Variants in RNF170 observed in about 807,000 individuals in gnomAD.
RNF170 encodes ring finger protein 170.
A neutral mutation model predicts 32.7 loss-of-function variants in RNF170; 12 were observed. The observed-to-expected ratio is 0.37, with a 90% CI of 0.24 to 0.60. The LOEUF (loss-of-function observed/expected upper bound fraction) is 0.60. Ranked by LOEUF, RNF170 falls within the 20% of genes least tolerant of loss-of-function variation. RNF170 has a pLI of 0.72. For synonymous variants in RNF170, 91 were observed against 103.6 expected (o/e 0.88, Z 0.74); for missense variants, 212 against 311.2 (o/e 0.68, Z 2.40).
chr8:42,885,011 A>T (rs1394477070), intron 2 of RNF170, among the ~76,000 whole-genome samples: 1 of 150,608 alleles, frequency 6.6e-6, no homozygotes, highest in Non-Finnish European at 1.5e-5. Flanking sequence ...CTCTCTTTTT[A>T]AAAATGCATC....
At position 42,856,341 on chromosome 8, in the gene RNF170, G is replaced by A. The variant is rs397514478; in HGVS notation, c.595C>T (p.Arg199Cys). 1.3e-6 allele frequency: 2 copies of A among 1,592,058 alleles called. No individual in the cohort carries two copies. Among genetic ancestry groups the A allele is most frequent in the African/African-American group, 1.4e-5 (1 of 73,340 alleles). Residue 199 changes from arginine (R) to cysteine (C), a missense_variant, in exon 7 of 7, where the codon CGC (arginine) becomes TGC (cysteine). Around this residue, in one of 2 missense-constraint regions of RNF170, gnomAD observed 97 missense variants for 178.9 expected, o/e 0.54. Transcript: ENST00000527424. Reference sequence around the variant, plus strand: ...ATTAAACAAAGTATTATCCTGATGCGAAACATCCAGAAAAGGCCCCCGACT... The same window carrying A: ...ATTAAACAAAGTATTATCCTGATGCAAAACATCCAGAAAAGGCCCCCGACT... ...FSVGGLFWMF[R>C]IRIILCLMGA...
At position 42,877,470 on chromosome 8, in the gene RNF170, G is replaced by A. The variant is rs184931311; in HGVS notation, c.138-3464C>T. 2.4e-3 allele frequency among the ~76,000 whole-genome samples: 363 copies of A among 152,208 alleles called. 4 individuals are homozygous for A. The highest frequency in any genetic ancestry group is 3.0e-3 in the Non-Finnish European group (207 of 68,022). Reference sequence around the variant, plus strand: ...GCTAGGATTACAGGTGTGAGCCACCGCACCCAGCCTATGGTTATTTGTTAT... The same window carrying A: ...GCTAGGATTACAGGTGTGAGCCACCACACCCAGCCTATGGTTATTTGTTAT... On this transcript the variant is annotated intron_variant, in intron 2 of 6. Transcript: ENST00000527424.
chr8:42,855,106 C>A lies in RNF170; in HGVS notation c.*1053G>T. 1 of 1,287,224 alleles carries A rather than the reference C, an allele frequency of 7.8e-7. No individual in the cohort carries two copies. The highest frequency in any genetic ancestry group is 1.2e-5 in the South Asian group (1 of 80,942). 79.7% of individuals were successfully genotyped at this position (1,287,224 alleles called of 1,614,324 possible). A position where few individuals can be genotyped will look rare whatever the true frequency, so the allele number is the denominator to read the frequency against. ...GCTACTCTGTGTTTGCAGCATCGCC[C>A]AGGTTCCTAAAACAATCTTCCCTTT... On this transcript the variant is annotated 3_prime_UTR_variant, in exon 7 of 7. Coordinates refer to ENST00000527424, the MANE Select transcript of RNF170 (RefSeq NM_030954.4).
chr8:42,871,760 T>C (rs1485882455), intron 3 of RNF170, among the ~76,000 whole-genome samples: 1 of 152,222 alleles, frequency 6.6e-6, no homozygotes, highest in Admixed American at 6.5e-5. Flanking sequence ...GGTTTCGCCA[T>C]GTTGCCCAGG....
chr8:42,875,039 C>G (rs552516904), intron 2 of RNF170, among the ~76,000 whole-genome samples: 5 of 152,056 alleles, frequency 3.3e-5, no homozygotes, highest in Non-Finnish European at 7.4e-5. Context: ...GGCTTAGTGG[C>G]GAATGCCTGT....
intron 6 of RNF170, 109 bp from the exon 7 acceptor site, chr8:42,856,537 T>A: frequency 6.5e-6 from 5 of 774,500 alleles, no homozygotes; most frequent in Non-Finnish European, 1.1e-5. Context: ...ATTAAGGAGT[T>A]ACACATTAAT....
At chr8:42,893,133 T>C (rs1198790722) in intron 1 of RNF170, among the ~76,000 whole-genome samples, 2 of 152,202 alleles carry the variant, frequency 1.3e-5, no homozygotes, top group Non-Finnish European at 2.9e-5. Context: ...TCAGGAATCA[T>C]ATCTTATTAC....
At chr8:42,852,564 C>T (rs559113538), downstream of RNF170, among the ~76,000 whole-genome samples, 5 of 152,102 alleles carry the variant, frequency 3.3e-5, no homozygotes, top group East Asian at 1.9e-4. Context: ...ACTACAGGTG[C>T]GTGCCACCAC....
chr8:42,885,960 C>T (rs1186925831), intron 2 of RNF170, among the ~76,000 whole-genome samples: 6 of 152,092 alleles, frequency 3.9e-5, no homozygotes, highest in Middle Eastern at 3.2e-3. Flanking sequence ...CGGTGGCTCA[C>T]GCCTGTAACC....
intron 4 of RNF170, among the ~76,000 whole-genome samples, chr8:42,867,221 C>T (rs1804149369): frequency 6.6e-6 from 1 of 152,146 alleles, no homozygotes; most frequent in African/African-American, 2.4e-5. Flanking sequence ...CCTGTAATCC[C>T]AGCACTTTGG....
At chr8:42,851,786 C>G (rs1802949791), downstream of RNF170, among the ~76,000 whole-genome samples, 1 of 152,032 alleles carries the variant, frequency 6.6e-6, no homozygotes, top group African/African-American at 2.4e-5. Context: ...CACAGGCATG[C>G]ACCACCACGT....
chr8:42,887,599 AC>A (rs1338473824), intron 2 of RNF170, 128 bp downstream of exon 2: 12 of 851,414 alleles, frequency 1.4e-5, no homozygotes, highest in Non-Finnish European at 2.2e-5. Flanking sequence ...AAAATAAAAT[AC>A]CTTAGTAAAC....
intron 4 of RNF170, among the ~76,000 whole-genome samples, chr8:42,867,852 T>C (rs954610307): frequency 6.7e-6 from 1 of 149,964 alleles, no homozygotes; most frequent in African/African-American, 2.5e-5. Context: ...GAAACTAACT[T>C]GTAGAAAAGA....
At chr8:42,851,045 T>C (rs1802927889), downstream of RNF170, 13 of 1,546,602 alleles carry the variant, frequency 8.4e-6, 1 homozygote, top group Non-Finnish European at 1.1e-5. Flanking sequence ...TGTTAGATCA[T>C]GTCTTCCCAC....
downstream of RNF170, among the ~76,000 whole-genome samples, chr8:42,851,395 T>A: frequency 6.6e-6 from 1 of 151,794 alleles, no homozygotes; most frequent in Non-Finnish European, 1.5e-5. Context: ...AGAAACCCTG[T>A]CTCTACTAAA....
upstream of RNF170, chr8:42,897,236 C>G: frequency 8.4e-7 from 1 of 1,187,202 alleles, no homozygotes; most frequent in East Asian, 3.2e-5. Flanking sequence ...CCCCCGCCAC[C>G]TACCGGGACC....
intron 6 of RNF170, 42 bp downstream of exon 6, chr8:42,861,701 AAT>A (rs1227473606): frequency 7.0e-7 from 1 of 1,437,802 alleles, no homozygotes; most frequent in African/African-American, 1.4e-5. Context: ...AAAGAGAAGA[AAT>A]GTGTCTTCCT....
chr8:42,892,655 T>C (rs2130202621), intron 1 of RNF170, among the ~76,000 whole-genome samples: 1 of 151,986 alleles, frequency 6.6e-6, no homozygotes, highest in East Asian at 1.9e-4. Flanking sequence ...TTCATGTTAT[T>C]TGGAGGCTCT....
chr8:42,866,240 A>G (rs1431955618), intron 4 of RNF170, among the ~76,000 whole-genome samples: 2 of 152,012 alleles, frequency 1.3e-5, no homozygotes, highest in African/African-American at 4.8e-5. Context: ...AACTAATAGT[A>G]ATAAGGTATT....
Sources: allele counts gnomAD v4.1 joint callset (sites outside exome capture counted in the v4.1 genomes callset), GRCh38; gene constraint gnomAD v4.1.1; regional missense constraint gnomAD v4.1.1; transcripts MANE v1.5; gene names NCBI Gene and HGNC (gene_info 2026-07-23, HGNC 2026-07-21).